The following CD22 variants were observed in gnomAD, a reference collection of about 807,000 sequenced individuals.
The protein encoded by CD22 is B-cell receptor CD22.
A neutral mutation model predicts 94.7 loss-of-function variants in CD22; 51 were observed. The ratio of observed to expected loss-of-function variants is 0.54; its 90% CI spans 0.43 to 0.68. The LOEUF (loss-of-function observed/expected upper bound fraction) is 0.68. CD22 is among the 30% of genes least tolerant of loss of function. CD22 has a pLI of 0.00. For synonymous variants in CD22, 424 were observed against 422.5 expected, an observed-to-expected ratio of 1.00 and a Z score of -0.04; for missense variants, 931 against 1,060.4, an observed-to-expected ratio of 0.88 and a Z score of 1.69.
At chr19:35,344,720 G>A (rs569020200) in intron 9 of CD22, 109 bp from the exon 10 acceptor site, 4 of 779,032 alleles carry the variant, frequency 5.1e-6, no homozygotes, top group Admixed American at 2.3e-5. Flanking sequence ...GCATGCAGGG[G>A]AGAAGGACGA....
chr19:35,343,365 CCTCACTGCACACAGTCTTCCCAT>C (rs1264584990), intron 9 of CD22, among the ~76,000 whole-genome samples: 4 of 152,274 alleles, frequency 2.6e-5, no homozygotes, highest in African/African-American at 9.6e-5. Context: ...CACCAAAGGT[CCTCACTGCACACAGTCTTCCCAT>C]CTCACTGCAC....
At chr19:35,345,952 C>G (rs10413526) in intron 12 of CD22, among the ~76,000 whole-genome samples, 199 bp from the exon 13 acceptor site, 51,094 of 152,014 alleles carry the variant, frequency 0.34, 8,877 homozygotes, top group East Asian at 0.4. Flanking sequence ...AAGATCAAGA[C>G]CTCATGATAC....
chr19:35,343,120 G>A (rs1026617416), intron 9 of CD22, among the ~76,000 whole-genome samples: 72 of 142,546 alleles, frequency 5.1e-4, no homozygotes, highest in Admixed American at 1.1e-3. Flanking sequence ...TTTTTTTTGA[G>A]ACAGGGTCTC....
chr19:35,342,462 C>T (rs759520114), intron 9 of CD22, among the ~76,000 whole-genome samples: 44 of 152,092 alleles, frequency 2.9e-4, no homozygotes, highest in Non-Finnish European at 7.4e-5. Context: ...AGCCACTGTG[C>T]CTCTCCCTGT....
At chr19:35,335,514 G>A (rs1007125583) in intron 3 of CD22, among the ~76,000 whole-genome samples, 18 of 152,170 alleles carry the variant, frequency 1.2e-4, no homozygotes, top group African/African-American at 3.4e-4. Context: ...CTAGGATTGC[G>A]CCACTGCACT....
At position 35,341,235 on chromosome 19, in the gene CD22, C is replaced by A; in HGVS notation, c.1507+97C>A. On this transcript the variant is annotated intron_variant, in intron 7 of 13. Transcript: ENST00000085219. This position sits in a 1 kb window ranked among gnomAD's most constrained non-coding sequence, Gnocchi z 4.0. ...CCGGAGCCTGGGCCAGTGTCTTCAA[C>A]AGAATTGAGGGACAGGAGCCTGGCG... The A allele has an allele frequency of 6.3e-7, 1 of 1,598,698 alleles. No homozygotes were observed. Among genetic ancestry groups the A allele is most frequent in the Non-Finnish European group, 8.5e-7 (1 of 1,170,262 alleles).
At chr19:35,336,766 G>A in intron 4 of CD22, 2 of 181,470 alleles carry the variant, frequency 1.1e-5, no homozygotes, top group Non-Finnish European at 2.3e-5. Context: ...GCGCTGCAGT[G>A]AAAGAGACAG....
Position 35,341,494 on chromosome 19 carries a change from A to G in CD22, c.1659A>G (p.Glu553=). The change falls in exon 8 of 14, where the codon GAA becomes GAG. Residue 553 remains glutamate, a synonymous_variant. Transcript: ENST00000085219. The surrounding 1 kb of genome is among the most constrained non-coding windows in gnomAD (Gnocchi z 4.0). ...WEKNGRLLGK[E]SQLNFDSISP... ...AAAATGGCAGGCTTCTGGGGAAAGAAAGCCAGCTGAATTTTGACTCCATCT... is the reference window on the plus strand; with the variant it reads ...AAAATGGCAGGCTTCTGGGGAAAGAGAGCCAGCTGAATTTTGACTCCATCT... The G allele has an allele frequency of 1.9e-6, 3 of 1,614,168 alleles. No individual in the cohort carries two copies. The highest frequency in any genetic ancestry group is 2.5e-6 in the Non-Finnish European group (3 of 1,180,008).
Position 35,341,276 on chromosome 19 carries a change from G to T in CD22, c.1508-67G>T. ...GAGCCTGGCGTCAGGGCCAAGGGGA[G>T]GGGAGGCCTGGGGACAGCAAAAGGG... On this transcript the variant is annotated intron_variant, in intron 7 of 13. Coordinates refer to ENST00000085219, the MANE Select transcript of CD22 (RefSeq NM_001771.4). This position sits in a 1 kb window ranked among gnomAD's most constrained non-coding sequence, Gnocchi z 4.0. The T allele has an allele frequency of 6.3e-7, 1 of 1,595,290 alleles. No individual in the cohort carries two copies. Among genetic ancestry groups the T allele is most frequent in the South Asian group, 1.1e-5 (1 of 89,332 alleles).
chr19:35,346,241 G>C lies in CD22; in HGVS notation c.2412+6G>C. On this transcript the variant is annotated splice_donor_region_variant and intron_variant, in intron 13 of 13. Transcript: ENST00000085219. The stretch of plus-strand genomic sequence containing the variant: ...CATTGCACAAGCGCCAAGTGGTAAG[G>C]AGGGTCTCCCCAGGTCTCCCCAGAG... 6.2e-7 allele frequency: 1 copy of C among 1,612,574 alleles called. No homozygotes were observed. Among genetic ancestry groups the C allele is most frequent in the South Asian group, 1.1e-5 (1 of 91,068 alleles).
chr19:35,338,088 C>T (rs1599680466), intron 5 of CD22, 67 bp downstream of exon 5: 2 of 1,574,166 alleles, frequency 1.3e-6, no homozygotes, highest in Admixed American at 1.7e-5. Flanking sequence ...GAGAGGGGAG[C>T]CACGGGGGCT....
rs1198000531 is a variant in CD22, at chr19:35,346,501, G to A, written c.2413-65G>A. ...CCGGGTGGAATGAAGGAGAGAATGCGGAGAAAAGCGGCGGTGGAGGCTGGC... is the reference window on the plus strand; with the variant it reads ...CCGGGTGGAATGAAGGAGAGAATGCAGAGAAAAGCGGCGGTGGAGGCTGGC... On this transcript the variant is annotated intron_variant, in intron 13 of 13. Transcript: ENST00000085219. 4.2e-5 allele frequency: 65 copies of A among 1,556,696 alleles called. No individual in the cohort carries two copies. In the East Asian group the frequency reaches 1.2e-3, roughly 29 times the overall value.
chr19:35,331,591 G>C (rs16970221), intron 1 of CD22: 3 of 180,828 alleles, frequency 1.7e-5, no homozygotes, highest in Non-Finnish European at 3.5e-5. Context: ...GCTCACACCT[G>C]TAGTGCCAGC....
chr19:35,331,948 G>A, intron 1 of CD22, 71 bp from the exon 2 acceptor site: 1 of 1,610,648 alleles, frequency 6.2e-7, no homozygotes, highest in South Asian at 1.1e-5. Context: ...GAGCTCAGTG[G>A]GTGAGCAAGA....
rs746886827 is a variant in CD22, at chr19:35,337,810, G to A, written c.774G>A (p.Gly258=). The A allele has an allele frequency of 6.2e-7, 1 of 1,612,736 alleles. No homozygotes were observed. Among genetic ancestry groups the A allele is most frequent in the South Asian group, 1.1e-5 (1 of 91,024 alleles). The change falls in exon 5 of 14, where the codon GGG becomes GGA. Residue 258 remains glycine, a synonymous_variant. Coordinates refer to ENST00000085219, the MANE Select transcript of CD22 (RefSeq NM_001771.4). This position sits in a 1 kb window ranked among gnomAD's most constrained non-coding sequence, Gnocchi z 4.4. ...CCAGTGATGCCATAGTGAGGGAGGG[G>A]GACTCTGTGACCATGACCTGCGAGG... ...VTPSDAIVRE[G]DSVTMTCEVS...
At chr19:35,342,439 G>A (rs2145673836) in intron 9 of CD22, among the ~76,000 whole-genome samples, 1 of 152,136 alleles carries the variant, frequency 6.6e-6, no homozygotes, top group East Asian at 1.9e-4. Flanking sequence ...AAAGCCCTGG[G>A]ATTAGAGCCA....
In CD22 at chr19:35,338,447, G is replaced by A; in HGVS notation, c.1249+16G>A. On this transcript the variant is annotated intron_variant, in intron 6 of 13. Transcript: ENST00000085219. Reference sequence around the variant, plus strand: ...GATGTCCAGTGTGAGTAGCCACGGAGCCTCTGGTTCTAGGGAGAGAAGATG... The same window carrying A: ...GATGTCCAGTGTGAGTAGCCACGGAACCTCTGGTTCTAGGGAGAGAAGATG... 6.2e-7 allele frequency: 1 copy of A among 1,606,606 alleles called. No individual in the cohort carries two copies. Among genetic ancestry groups the A allele is most frequent in the Non-Finnish European group, 8.5e-7 (1 of 1,175,376 alleles).
At chr19:35,345,234 A>G (rs2066885323) in intron 11 of CD22, 108 bp downstream of exon 11, 7 of 901,640 alleles carry the variant, frequency 7.8e-6, no homozygotes, top group Admixed American at 3.8e-5. Flanking sequence ...CGTAGCCAAC[A>G]TGGTGAAACC....
At position 35,338,176 on chromosome 19, in the gene CD22, G is replaced by A. The variant is rs772776412; in HGVS notation, c.994G>A (p.Glu332Lys). Residue 332 changes from glutamate to lysine, a missense_variant, in exon 6 of 14, where the codon GAA becomes AAA. Transcript: ENST00000085219. ...EVFLQVQYAP[E>K]PSTVQILHSP... ...TCTGCCCCCTCTTCCAGATGCCCCGGAACCTTCCACGGTTCAGATCCTCCA... is the reference window on the plus strand; with the variant it reads ...TCTGCCCCCTCTTCCAGATGCCCCGAAACCTTCCACGGTTCAGATCCTCCA... 1 of 1,611,080 alleles carries A rather than the reference G, an allele frequency of 6.2e-7. No individual in the cohort carries two copies. Among genetic ancestry groups the A allele is most frequent in the Non-Finnish European group, 8.5e-7 (1 of 1,177,964 alleles).
Sources: gnomAD v4.1 joint callset for allele counts (sites outside exome capture counted in the v4.1 genomes callset) on GRCh38, gnomAD v4.1.1 for gene constraint, Gnocchi (gnomAD v3.1) non-coding constraint, MANE v1.5 for transcripts, NCBI Gene and HGNC (gene_info 2026-07-23, HGNC 2026-07-21) for gene names.